ADAMTSL1: variants seen among roughly 807,000 people sequenced by gnomAD.
ADAMTSL1 encodes ADAMTS like 1.
Under a neutral mutation model 201.8 loss-of-function variants are expected in ADAMTSL1, and 126 were observed. The observed-to-expected ratio is 0.62, with a 90% CI of 0.54 to 0.72. The LOEUF is 0.72. Among genes scored for constraint, ADAMTSL1 ranks in the 30% least tolerant of loss-of-function variants. The probability of loss-of-function intolerance (pLI) is 0.00; values close to 1 mark genes in which losing one functional copy is unlikely to be tolerated. For synonymous variants in ADAMTSL1, 1,121 were observed against 903.4 expected, an observed-to-expected ratio of 1.24 and a Z score of -4.32; for missense variants, 2,679 against 2,277.8, an observed-to-expected ratio of 1.18 and a Z score of -3.59.
intron 3 of ADAMTSL1, among the ~76,000 whole-genome samples, chr9:18,560,220 G>T (rs562434925): frequency 6.6e-6 from 1 of 152,224 alleles, no homozygotes; most frequent in Non-Finnish European, 1.5e-5. Context: ...TAGCATGAAG[G>T]GGTGTTGAAT....
chr9:18,902,065 A>G (rs1830045892), intron 26 of ADAMTSL1, among the ~76,000 whole-genome samples: 1 of 152,252 alleles, frequency 6.6e-6, no homozygotes, highest in African/African-American at 2.4e-5. Context: ...CCAAGAACAT[A>G]TAACAATTAT....
intron 2 of ADAMTSL1, among the ~76,000 whole-genome samples, chr9:18,242,947 CATCT>C (rs1312913876): frequency 1.3e-5 from 2 of 152,092 alleles, no homozygotes. Flanking sequence ...TTCAATGCAA[CATCT>C]ATCAAAATCC....
intron 3 of ADAMTSL1, among the ~76,000 whole-genome samples, chr9:18,538,675 C>G (rs1295917282): frequency 1.3e-5 from 2 of 152,170 alleles, no homozygotes; most frequent in African/African-American, 4.8e-5. Flanking sequence ...GACCATCCAT[C>G]TTGACTGGTG....
At chr9:17,932,043 C>A (rs1180139287) in intron 1 of ADAMTSL1, among the ~76,000 whole-genome samples, 1 of 152,150 alleles carries the variant, frequency 6.6e-6, no homozygotes, top group Non-Finnish European at 1.5e-5. Flanking sequence ...CACCTGTGCA[C>A]AGGTTTGGAT....
intron 1 of ADAMTSL1, among the ~76,000 whole-genome samples, chr9:17,917,898 G>C (rs1267062091): frequency 6.6e-6 from 1 of 151,900 alleles, no homozygotes; most frequent in African/African-American, 2.4e-5. Context: ...AGTTAGCTTT[G>C]ATTGTCTTTC....
At chr9:18,837,203 C>G (rs373532971) in intron 23 of ADAMTSL1, among the ~76,000 whole-genome samples, 1 of 152,120 alleles carries the variant, frequency 6.6e-6, no homozygotes, top group Non-Finnish European at 1.5e-5. Context: ...GTCTCAAAGA[C>G]GTTCTCATAT....
At chr9:18,544,707 C>G (rs1252122057) in intron 3 of ADAMTSL1, among the ~76,000 whole-genome samples, 2 of 152,220 alleles carry the variant, frequency 1.3e-5, no homozygotes, top group Admixed American at 1.3e-4. Context: ...TAATGCCAAG[C>G]ATCTACTTTC....
At chr9:18,238,400 C>T (rs573355231) in intron 2 of ADAMTSL1, among the ~76,000 whole-genome samples, 2 of 152,106 alleles carry the variant, frequency 1.3e-5, no homozygotes, top group African/African-American at 2.4e-5. Flanking sequence ...AATCACATCC[C>T]TTTGTGCAGG....
Position 18,746,734 on chromosome 9 carries a change from C to A in ADAMTSL1, c.2007-6564C>A, listed in dbSNP as rs935448054. 1.9e-4 allele frequency among the ~76,000 whole-genome samples: 28 copies of A among 149,480 alleles called. No homozygotes were observed. In the East Asian group the frequency reaches 5.3e-3, roughly 28 times the overall value. ...TCTCTGAAAGAGCAGAGGAGCAAAA[C>A]CTTGGCAACTCACATAATGAGCCCT... On this transcript the variant is annotated intron_variant, in intron 15 of 28. Transcript: ENST00000380548.
intron 7 of ADAMTSL1, among the ~76,000 whole-genome samples, chr9:18,649,349 C>T (rs1312712688): frequency 1.3e-5 from 2 of 151,896 alleles, no homozygotes; most frequent in Non-Finnish European, 2.9e-5. Context: ...TCCTGTAGCT[C>T]GGAGTGGTTT....
At chr9:18,580,173 G>A (rs1293457862) in intron 4 of ADAMTSL1, among the ~76,000 whole-genome samples, 1 of 152,094 alleles carries the variant, frequency 6.6e-6, no homozygotes, top group Non-Finnish European at 1.5e-5. Flanking sequence ...TTCAAGTAAT[G>A]CCTTATATAA....
intron 2 of ADAMTSL1, among the ~76,000 whole-genome samples, chr9:18,260,730 C>G (rs1831886249): frequency 6.6e-6 from 1 of 152,168 alleles, no homozygotes; most frequent in African/African-American, 2.4e-5. Context: ...TGTGGTCCCT[C>G]TCCGAGGCAC....
intron 1 of ADAMTSL1, among the ~76,000 whole-genome samples, chr9:17,943,624 A>C (rs1827332384): frequency 1.3e-5 from 2 of 152,092 alleles, no homozygotes; most frequent in Admixed American, 6.6e-5. Flanking sequence ...GAAATATGAA[A>C]ATGCTATGAA....
chr9:18,410,648 ACT>A (rs1292476878), intron 2 of ADAMTSL1, among the ~76,000 whole-genome samples: 1 of 152,122 alleles, frequency 6.6e-6, no homozygotes, highest in Non-Finnish European at 1.5e-5. Flanking sequence ...TGATTCCATA[ACT>A]TTGCTATTGT....
At chr9:18,579,774 C>A (rs1021489505) in intron 4 of ADAMTSL1, among the ~76,000 whole-genome samples, 1 of 152,180 alleles carries the variant, frequency 6.6e-6, no homozygotes, top group Admixed American at 6.5e-5. Flanking sequence ...GCATCCTGTA[C>A]AGAGTTAATG....
intron 2 of ADAMTSL1, among the ~76,000 whole-genome samples, chr9:18,277,388 T>C (rs2132611073): frequency 6.6e-6 from 1 of 152,260 alleles, no homozygotes; most frequent in African/African-American, 2.4e-5. Context: ...CTCCCTTCAG[T>C]TCTGTTAATA....
intron 7 of ADAMTSL1, 150 bp downstream of exon 7, chr9:18,639,561 A>AAGG: frequency 1.2e-6 from 1 of 828,178 alleles, no homozygotes; most frequent in South Asian, 1.9e-5. Flanking sequence ...GTGTTGAGCT[A>AAGG]GCTGCATCCT....
At chr9:18,388,913 C>A (rs975907594) in intron 2 of ADAMTSL1, among the ~76,000 whole-genome samples, 6 of 151,908 alleles carry the variant, frequency 3.9e-5, no homozygotes, top group African/African-American at 9.7e-5. Context: ...CCTGCCACCT[C>A]ACCCGGCTAA....
At chr9:18,805,478 A>C (rs1236694452) in intron 20 of ADAMTSL1, among the ~76,000 whole-genome samples, 2 of 152,214 alleles carry the variant, frequency 1.3e-5, no homozygotes, top group Non-Finnish European at 2.9e-5. Context: ...TGCTGGTGAT[A>C]GCTAGCATTT....
Sources: allele counts gnomAD v4.1 joint callset (sites outside exome capture counted in the v4.1 genomes callset), GRCh38; gene constraint gnomAD v4.1.1; transcripts MANE v1.5; gene names NCBI Gene and HGNC (gene_info 2026-07-23, HGNC 2026-07-21).